TRPM8: variants seen among roughly 807,000 people sequenced by gnomAD.
TRPM8 encodes the protein transient receptor potential cation channel subfamily M member 8.
A neutral mutation model predicts 133.7 loss-of-function variants in TRPM8; 110 were observed. The observed-to-expected ratio is 0.82, with a 90% CI of 0.70 to 0.96. TRPM8 has a LOEUF of 0.96. TRPM8 is among the 40% of genes least tolerant of loss of function. The pLI, the probability that TRPM8 is intolerant of heterozygous loss-of-function variation, is 0.00. For missense variants in TRPM8, 1,291 were observed against 1,379.5 expected, an observed-to-expected ratio of 0.94 and a Z score of 1.02; for synonymous variants, 535 against 532.3, an observed-to-expected ratio of 1.01 and a Z score of -0.07.
intron 9 of TRPM8, among the ~76,000 whole-genome samples, chr2:233,950,561 T>C (rs1056155192): frequency 4.6e-5 from 7 of 152,158 alleles, no homozygotes; most frequent in Non-Finnish European, 7.3e-5. Context: ...ATATGCTAAG[T>C]CTCAGAATAA....
intron 22 of TRPM8, among the ~76,000 whole-genome samples, chr2:233,996,990 C>G (rs1012846747): frequency 6.6e-6 from 1 of 152,168 alleles, no homozygotes; most frequent in Non-Finnish European, 1.5e-5. Context: ...TGTGGCCAGG[C>G]GTGGTGGCTC....
chr2:233,942,087 TTTTTC>T (rs1343853110), intron 5 of TRPM8, among the ~76,000 whole-genome samples: 6 of 144,168 alleles, frequency 4.2e-5, no homozygotes, highest in African/African-American at 1.7e-4. Context: ...TTTTTTTTTT[TTTTTC>T]TTTTTGAGAT....
At chr2:233,964,790 G>T in intron 14 of TRPM8, 33 bp downstream of exon 14, 1 of 1,573,014 alleles carries the variant, frequency 6.4e-7, no homozygotes, top group Non-Finnish European at 8.7e-7. Context: ...TGTGGTGGGC[G>T]CGGATCTGCC....
intron 20 of TRPM8, among the ~76,000 whole-genome samples, chr2:233,984,810 A>G (rs1229925648): frequency 6.6e-6 from 1 of 152,132 alleles, no homozygotes. Context: ...TAGGCCGGGG[A>G]TGGTGGCTTA....
chr2:233,963,384 G>T lies in TRPM8; in HGVS notation c.1749+7G>T, dbSNP rs1360399590. ...CAAAGTCATTTGGGAGCAGGTAAGT[G>T]CCCAAGCCCACATCAGATTTACACC... On this transcript the variant is annotated splice_region_variant and intron_variant, in intron 13 of 25. Coordinates refer to ENST00000324695, the MANE Select transcript of TRPM8 (RefSeq NM_024080.5). 1.9e-6 allele frequency: 3 copies of T among 1,576,232 alleles called. No homozygotes were observed. The highest frequency in any genetic ancestry group is 2.2e-5 in the East Asian group (1 of 44,564).
intron 23 of TRPM8, 79 bp downstream of exon 23, chr2:234,007,031 G>C: frequency 9.9e-7 from 1 of 1,012,352 alleles, no homozygotes. Flanking sequence ...GCTTATTTGA[G>C]CAAACTCAGT....
At chr2:233,949,407 A>G (rs1384346007) in intron 8 of TRPM8, among the ~76,000 whole-genome samples, 1 of 152,214 alleles carries the variant, frequency 6.6e-6, no homozygotes, top group Non-Finnish European at 1.5e-5. Flanking sequence ...CTAGGTGTTT[A>G]TCCAGGAAGA....
At chr2:233,934,379 T>C (rs1691746014) in intron 3 of TRPM8, among the ~76,000 whole-genome samples, 1 of 152,216 alleles carries the variant, frequency 6.6e-6, no homozygotes, top group South Asian at 2.1e-4. Context: ...TAATTTCAAA[T>C]TCTTAAGAAA....
At chr2:233,971,129 T>C (rs891063201) in intron 17 of TRPM8, among the ~76,000 whole-genome samples, 23 of 152,340 alleles carry the variant, frequency 1.5e-4, no homozygotes, top group African/African-American at 4.8e-4. Context: ...CTACTGTTGT[T>C]GTCGTCACTG....
intron 20 of TRPM8, among the ~76,000 whole-genome samples, chr2:233,984,293 GGCACGGA>G (rs1411039960): frequency 6.6e-6 from 1 of 152,132 alleles, no homozygotes; most frequent in Non-Finnish European, 1.5e-5. Flanking sequence ...GAGGATCTCT[GGCACGGA>G]GCAGCTCTCA....
chr2:233,947,020 A>G, intron 7 of TRPM8, 68 bp from the exon 8 acceptor site: 1 of 1,484,568 alleles, frequency 6.7e-7, no homozygotes, highest in Non-Finnish European at 9.3e-7. Context: ...TCTTGGTCCA[A>G]CTTTTCACAG....
intron 20 of TRPM8, among the ~76,000 whole-genome samples, chr2:233,983,983 T>A (rs1574760231): frequency 6.6e-6 from 1 of 152,320 alleles, no homozygotes; most frequent in Middle Eastern, 3.4e-3. Flanking sequence ...TCTTTTCCCC[T>A]GCAGTGGTGG....
chr2:233,966,798 G>A (rs924414090), intron 15 of TRPM8, 43 bp downstream of exon 15: 2 of 1,469,566 alleles, frequency 1.4e-6, no homozygotes, highest in South Asian at 1.4e-5. Context: ...CAGAAATGGG[G>A]CTTTTATGTC....
chr2:233,938,610 G>A (rs1368638961), intron 4 of TRPM8, among the ~76,000 whole-genome samples: 1 of 152,216 alleles, frequency 6.6e-6, no homozygotes, highest in East Asian at 1.9e-4. Flanking sequence ...AAACGAGAGG[G>A]GGCTTCCAGG....
At position 233,970,233 on chromosome 2, in the gene TRPM8, A is replaced by G. The variant is rs1156911386; in HGVS notation, c.2162A>G (p.Lys721Arg). Residue 721 changes from lysine (K) to arginine (R), a missense_variant, in exon 17 of 26, where the codon AAG becomes AGG. Transcript: ENST00000324695. ...AGGAAGAAACCTGTCGACAAGCACA[A>G]GAAGCTGCTTTGGTACTATGTGGCG... ...SFRKKPVDKH[K>R]KLLWYYVAFF... The G allele has an allele frequency of 6.2e-7, 1 of 1,614,048 alleles. No individual in the cohort carries two copies. The highest frequency in any genetic ancestry group is 2.2e-5 in the East Asian group (1 of 44,888).
intron 22 of TRPM8, among the ~76,000 whole-genome samples, chr2:233,998,043 T>A (rs759120012): frequency 6.6e-6 from 1 of 152,104 alleles, no homozygotes; most frequent in Non-Finnish European, 1.5e-5. Flanking sequence ...AGGGGCCTGT[T>A]TTTATTTGTT....
Position 233,964,675 on chromosome 2 carries a change from G to A in TRPM8, c.1797G>A (p.Lys599=), listed in dbSNP as rs1325408367. Residue 599 remains lysine (K), a synonymous_variant, in exon 14 of 26, where the codon AAG becomes AAA. Transcript: ENST00000324695. ...LAALGASKLL[K]TLAKVKNDIN... is the part of the protein sequence containing the mutation. ...CCCTGGGAGCCAGCAAGCTTCTGAA[G>A]ACTCTGGCCAAAGTGAAGAACGACA... 6.2e-7 allele frequency: 1 copy of A among 1,610,952 alleles called. No homozygotes were observed. Among genetic ancestry groups the A allele is most frequent in the Non-Finnish European group, 8.5e-7 (1 of 1,178,110 alleles).
At chr2:233,971,198 CT>C (rs1198987748) in intron 17 of TRPM8, among the ~76,000 whole-genome samples, 4 of 152,184 alleles carry the variant, frequency 2.6e-5, no homozygotes, top group Non-Finnish European at 4.4e-5. Context: ...GTGCTAGGCA[CT>C]TACAGTTTCC....
Position 233,927,775 on chromosome 2 carries a change from T to TTCCTTCCTTCC in TRPM8, c.117+1122_117+1123insCCTTCCTTCCT, listed in dbSNP as rs1691562983. Reference sequence around the variant, plus strand: ...CTTTCTTTCTTTCTTTCTTTCTTTCTTTCTTTCTTTCTTTCTTTTCTTTCC... The same window carrying TTCCTTCCTTCC: ...CTTTCTTTCTTTCTTTCTTTCTTTCTTCCTTCCTTCCTTCTTTCTTTCTTTCTTTTCTTTCC... On this transcript the variant is annotated intron_variant, in intron 2 of 25. Transcript: ENST00000324695. Among the ~76,000 whole-genome samples the TTCCTTCCTTCC allele has an allele frequency of 1.2e-4, 6 of 52,150 alleles. No individual in the cohort carries two copies. In the African/African-American group the frequency reaches 1.2e-3, roughly 11 times the overall value. The allele number at this position is 52,150 out of a possible 152,430, so 34.2% of individuals were successfully genotyped here.
Sources: gnomAD v4.1 joint callset for allele counts (sites outside exome capture counted in the v4.1 genomes callset) on GRCh38, gnomAD v4.1.1 for gene constraint, MANE v1.5 for transcripts, NCBI Gene and HGNC (gene_info 2026-07-23, HGNC 2026-07-21) for gene names.